LRRN1: variants seen among roughly 807,000 people sequenced by gnomAD.
LRRN1 encodes the protein leucine rich repeat neuronal 1.
In LRRN1, 14 loss-of-function variants were observed where a neutral mutation model predicts 45.8. The ratio of observed to expected loss-of-function variants is 0.31; its 90% CI spans 0.20 to 0.48. The LOEUF (loss-of-function observed/expected upper bound fraction) is 0.48, where lower values mean the gene tolerates loss of function less well. Ranked by LOEUF, LRRN1 falls within the 20% of genes least tolerant of loss-of-function variation. The pLI is 0.99. For missense variants in LRRN1, 789 were observed against 874.2 expected, an observed-to-expected ratio of 0.90 and a Z score of 1.23; for synonymous variants, 359 against 330.1, an observed-to-expected ratio of 1.09 and a Z score of -0.95.
intron 1 of LRRN1, among the ~76,000 whole-genome samples, chr3:3,823,585 T>C (rs976878398): frequency 3.9e-5 from 6 of 152,208 alleles, no homozygotes; most frequent in African/African-American, 1.4e-4. Flanking sequence ...CCTGCTATGA[T>C]CCACTGCTCA....
intron 1 of LRRN1, among the ~76,000 whole-genome samples, chr3:3,836,816 CCT>C (rs1176615371): frequency 1.3e-5 from 2 of 152,102 alleles, no homozygotes; most frequent in African/African-American, 4.8e-5. Context: ...CTGTCTGTCC[CCT>C]GTTGCTGGTA....
chr3:3,844,875 C>T lies in LRRN1; in HGVS notation c.234C>T (p.Leu78=). ...TCTCTAGTGACACACAAGTGCTTCT[C>T]TTACAGAGCAATAACATCGCAAAGA... is the stretch of plus-strand genomic sequence containing the variant. ...SNLSSDTQVL[L]LQSNNIAKTV... Residue 78 remains leucine, a synonymous_variant, in exon 2 of 2, where the codon CTC becomes CTT. Transcript: ENST00000319331. 1 of 1,614,170 alleles carries T rather than the reference C, an allele frequency of 6.2e-7. No individual in the cohort carries two copies. Among genetic ancestry groups the T allele is most frequent in the Non-Finnish European group, 8.5e-7 (1 of 1,180,016 alleles).
chr3:3,836,747 G>A lies in LRRN1; in HGVS notation c.-278-7617G>A, dbSNP rs115171694. Among the ~76,000 whole-genome samples, 901 of 152,284 alleles carry A rather than the reference G, an allele frequency of 5.9e-3. 11 individuals carry two copies. Among genetic ancestry groups the A allele is most frequent in the African/African-American group, 0.021 (872 of 41,550 alleles). On this transcript the variant is annotated intron_variant, in intron 1 of 1. Transcript: ENST00000319331. ...TTTTTACAAAAAGGAGTGGGATATGGGGGGTGGTACAATTTTAGGGGTAGT... is the reference window on the plus strand; with the variant it reads ...TTTTTACAAAAAGGAGTGGGATATGAGGGGTGGTACAATTTTAGGGGTAGT...
intron 1 of LRRN1, among the ~76,000 whole-genome samples, chr3:3,804,842 A>T (rs1682913): frequency 1.3e-5 from 2 of 152,036 alleles, no homozygotes; most frequent in African/African-American, 2.4e-5. Context: ...ATTTTGTAGA[A>T]CTGGGAGTAA....
At chr3:3,820,367 T>G (rs555688118) in intron 1 of LRRN1, among the ~76,000 whole-genome samples, 8 of 152,320 alleles carry the variant, frequency 5.3e-5, no homozygotes, top group African/African-American at 1.9e-4. Flanking sequence ...TCAAAAGCTC[T>G]TAATTTCTAA....
intron 1 of LRRN1, among the ~76,000 whole-genome samples, chr3:3,832,991 T>C (rs1009930781): frequency 2.0e-5 from 3 of 152,242 alleles, no homozygotes; most frequent in African/African-American, 7.2e-5. Flanking sequence ...AGTTGAGTGC[T>C]GCCACTTGGC....
intron 1 of LRRN1, among the ~76,000 whole-genome samples, chr3:3,839,764 T>C (rs1253436013): frequency 6.6e-6 from 1 of 152,164 alleles, no homozygotes; most frequent in Non-Finnish European, 1.5e-5. Context: ...GGTTGTTTCC[T>C]TAATTTCCTT....
At chr3:3,841,955 G>A (rs926583674) in intron 1 of LRRN1, among the ~76,000 whole-genome samples, 17 of 152,096 alleles carry the variant, frequency 1.1e-4, no homozygotes, top group Non-Finnish European at 1.9e-4. Flanking sequence ...AGGTGATTCC[G>A]TCATTGTGCA....
At chr3:3,815,625 T>C (rs1559287528) in intron 1 of LRRN1, among the ~76,000 whole-genome samples, 1 of 152,222 alleles carries the variant, frequency 6.6e-6, no homozygotes, top group Non-Finnish European at 1.5e-5. Context: ...AAGCATAGCA[T>C]ACTACTTAAT....
At position 3,846,187 on chromosome 3, in the gene LRRN1, G is replaced by A. The variant is rs1693772245; in HGVS notation, c.1546G>A (p.Val516Ile). The change falls in exon 2 of 2, where the codon GTT (valine) becomes ATT (isoleucine). Residue 516 changes from valine to isoleucine, a missense_variant. Val to Ile is a conservative substitution (Grantham distance 29, BLOSUM62 3). Transcript: ENST00000319331. The surrounding 1 kb of genome is among the most constrained non-coding windows in gnomAD (Gnocchi z 5.7). ...AGACACTCGGGTGGCAACAATTAAG[G>A]TTAATGGGACCCTTCTGGATGGTAC... The part of the protein sequence containing the change: ...GADTRVATIK[V>I]NGTLLDGTQV... 16 of 1,614,024 alleles carry A rather than the reference G, an allele frequency of 9.9e-6. No homozygotes were observed. Among genetic ancestry groups the A allele is most frequent in the African/African-American group, 1.3e-5 (1 of 74,930 alleles).
At chr3:3,831,315 C>A (rs1404867631) in intron 1 of LRRN1, among the ~76,000 whole-genome samples, 1 of 152,244 alleles carries the variant, frequency 6.6e-6, no homozygotes, top group Non-Finnish European at 1.5e-5. Context: ...CCCCACACCA[C>A]TGGACCCCTA....
chr3:3,805,466 C>G (rs1046776376), intron 1 of LRRN1, among the ~76,000 whole-genome samples: 15 of 152,200 alleles, frequency 9.9e-5, no homozygotes, highest in African/African-American at 3.6e-4. Context: ...ACTAATGACT[C>G]AATGTCTGAC....
intron 1 of LRRN1, among the ~76,000 whole-genome samples, chr3:3,820,699 TGCAATA>T (rs1693083471): frequency 1.3e-5 from 2 of 152,202 alleles, no homozygotes; most frequent in African/African-American, 4.8e-5. Context: ...GCGAGAGAAA[TGCAATA>T]AATGAAGAAA....
intron 1 of LRRN1, among the ~76,000 whole-genome samples, chr3:3,810,417 C>T (rs1419196349): frequency 2.0e-5 from 3 of 152,232 alleles, no homozygotes; most frequent in Non-Finnish European, 4.4e-5. Flanking sequence ...ACCATTGTTA[C>T]TGTTAATTCT....
chr3:3,824,860 T>C (rs761237184), intron 1 of LRRN1, among the ~76,000 whole-genome samples: 1 of 152,166 alleles, frequency 6.6e-6, no homozygotes, highest in Non-Finnish European at 1.5e-5. Context: ...CCTCCAAATA[T>C]GTGACCTCAC....
At chr3:3,814,270 A>G (rs1364885709) in intron 1 of LRRN1, among the ~76,000 whole-genome samples, 1 of 149,710 alleles carries the variant, frequency 6.7e-6, no homozygotes, top group Non-Finnish European at 1.5e-5. Flanking sequence ...GTTCCCCTGT[A>G]AAGAGGCATT....
chr3:3,807,227 A>G (rs915267619), intron 1 of LRRN1, among the ~76,000 whole-genome samples: 9 of 152,204 alleles, frequency 5.9e-5, no homozygotes, highest in African/African-American at 2.2e-4. Context: ...GACTTGTGAC[A>G]ATCTGGGAAG....
At chr3:3,812,346 C>T (rs1692892198) in intron 1 of LRRN1, among the ~76,000 whole-genome samples, 1 of 152,130 alleles carries the variant, frequency 6.6e-6, no homozygotes, top group Admixed American at 6.5e-5. Context: ...AAAGAACTGA[C>T]ACTTATTTAA....
chr3:3,811,144 T>C (rs1692864516), intron 1 of LRRN1, among the ~76,000 whole-genome samples: 1 of 152,190 alleles, frequency 6.6e-6, no homozygotes, highest in South Asian at 2.1e-4. Context: ...CTGGGAGTTA[T>C]GTATTATCCC....
Sources: allele counts gnomAD v4.1 joint callset (sites outside exome capture counted in the v4.1 genomes callset), GRCh38; gene constraint gnomAD v4.1.1; non-coding constraint Gnocchi (gnomAD v3.1); transcripts MANE v1.5; gene names NCBI Gene and HGNC (gene_info 2026-07-23, HGNC 2026-07-21).